The following IGF2BP1 variants were observed in gnomAD, a reference collection of about 807,000 sequenced individuals.
IGF2BP1 encodes insulin-like growth factor 2 mRNA-binding protein 1.
A neutral mutation model predicts 74.9 loss-of-function variants in IGF2BP1; 11 were observed. That is an observed-to-expected ratio of 0.15 (90% CI 0.09 to 0.24). IGF2BP1 has a LOEUF of 0.24. IGF2BP1 is among the 10% of genes least tolerant of loss of function. The pLI is 1.00. For synonymous variants in IGF2BP1, 287 were observed against 281.8 expected, an observed-to-expected ratio of 1.02 and a Z score of -0.18; for missense variants, 440 against 757.4, an observed-to-expected ratio of 0.58 and a Z score of 4.92.
chr17:49,003,346 T>C (rs1462396775), intron 2 of IGF2BP1, among the ~76,000 whole-genome samples: 1 of 152,210 alleles, frequency 6.6e-6, no homozygotes, highest in African/African-American at 2.4e-5. Flanking sequence ...TTGACAAAGA[T>C]ACTATTGAGG....
chr17:48,999,173 G>A lies in IGF2BP1; in HGVS notation c.236+4G>A, dbSNP rs776628632. On this transcript the variant is annotated splice_donor_region_variant and intron_variant, in intron 2 of 14. Transcript: ENST00000290341. ...ATTCGGTGCCCAAAAAACAAAGGTA[G>A]GAAAGAGCTCTTTTCGGGGGGGGTG... 1 of 1,019,044 alleles carries A rather than the reference G, an allele frequency of 9.8e-7. No homozygotes were observed. Among genetic ancestry groups the A allele is most frequent in the East Asian group, 4.2e-5 (1 of 23,540 alleles). The allele number at this position is 1,019,044 out of a possible 1,614,324, so 63.1% of individuals were successfully genotyped here.
rs373966920 is a variant in IGF2BP1 at position 49,016,976 on chromosome 17, GT to G, written c.237-8638del. 7.0e-3 allele frequency among the ~76,000 whole-genome samples: 1,059 copies of G among 151,278 alleles called. 14 individuals are homozygous for G. The highest frequency in any genetic ancestry group is 0.023 in the African/African-American group (966 of 41,144). On this transcript the variant is annotated intron_variant, in intron 2 of 14. Transcript: ENST00000290341. ...CGTGCCAGGTCCGCCCCCTTCAGAA[GT>G]TTTCTTGGACAATTTTTTTTTTTCA...
intron 2 of IGF2BP1, among the ~76,000 whole-genome samples, chr17:49,009,004 A>G (rs1210265935): frequency 6.6e-6 from 1 of 152,040 alleles, no homozygotes; most frequent in Non-Finnish European, 1.5e-5. Context: ...CTTACAGTGC[A>G]GATGGAAGGA....
chr17:49,034,739 A>T (rs2041964607), intron 5 of IGF2BP1, among the ~76,000 whole-genome samples: 1 of 135,472 alleles, frequency 7.4e-6, no homozygotes, highest in Non-Finnish European at 1.6e-5. Flanking sequence ...CCTGTCTCAA[A>T]AAAAACACAA....
intron 14 of IGF2BP1, among the ~76,000 whole-genome samples, chr17:49,047,085 T>G (rs1452411229): frequency 6.6e-6 from 1 of 152,202 alleles, no homozygotes; most frequent in Non-Finnish European, 1.5e-5. Flanking sequence ...ATAGAAGATA[T>G]CCAGATCTTA....
intron 14 of IGF2BP1, among the ~76,000 whole-genome samples, chr17:49,048,377 C>G (rs1048735678): frequency 6.6e-6 from 1 of 151,760 alleles, no homozygotes; most frequent in Admixed American, 6.6e-5. Flanking sequence ...CTCAGCCACT[C>G]AAGTAGCTGG....
At chr17:49,015,578 C>T (rs2041690287) in intron 2 of IGF2BP1, among the ~76,000 whole-genome samples, 1 of 152,208 alleles carries the variant, frequency 6.6e-6, no homozygotes, top group African/African-American at 2.4e-5. Flanking sequence ...TATTTGTCCC[C>T]GTACTGTAGG....
In IGF2BP1 at chr17:49,049,933, T is replaced by A. The variant is rs975405765; in HGVS notation, c.*489T>A. 6.5e-6 allele frequency: 1 copy of A among 153,750 alleles called. No homozygotes were observed. Among genetic ancestry groups the A allele is most frequent in the African/African-American group, 2.4e-5 (1 of 41,466 alleles). 9.5% of individuals were successfully genotyped at this position (153,750 alleles called of 1,614,324 possible). A position where few individuals can be genotyped will look rare whatever the true frequency, so the allele number is the denominator to read the frequency against. On this transcript the variant is annotated 3_prime_UTR_variant, in exon 15 of 15. Coordinates refer to ENST00000290341, the MANE Select transcript of IGF2BP1 (RefSeq NM_006546.4). ...CTTTCTATATTTACACTAATTTTTT[T>A]ATCTTTATTGCTACCAGAAAAAAAT...
chr17:49,034,813 A>G (rs1031107420), intron 5 of IGF2BP1, among the ~76,000 whole-genome samples: 1 of 152,186 alleles, frequency 6.6e-6, no homozygotes, highest in Non-Finnish European at 1.5e-5. Context: ...GATGGAATCC[A>G]CAGAGGTGGA....
intron 2 of IGF2BP1, among the ~76,000 whole-genome samples, chr17:48,999,996 C>T (rs910530900): frequency 6.6e-6 from 1 of 150,926 alleles, no homozygotes; most frequent in African/African-American, 2.4e-5. Flanking sequence ...TATCCTCTCT[C>T]TTCAGCAAAA....
chr17:49,032,559 C>G (rs2041937594), intron 5 of IGF2BP1, among the ~76,000 whole-genome samples: 1 of 152,194 alleles, frequency 6.6e-6, no homozygotes, highest in African/African-American at 2.4e-5. Context: ...TTGCGCATTA[C>G]TCATTTATAT....
intron 12 of IGF2BP1, 57 bp from the exon 13 acceptor site, chr17:49,045,833 T>G: frequency 6.4e-7 from 1 of 1,569,236 alleles, no homozygotes; most frequent in Non-Finnish European, 8.7e-7. Context: ...TTTTCCCACT[T>G]TTCTCTTTTG....
chr17:49,048,844 T>G (rs1006087533), intron 14 of IGF2BP1, among the ~76,000 whole-genome samples: 1 of 152,110 alleles, frequency 6.6e-6, no homozygotes, highest in African/African-American at 2.4e-5. Flanking sequence ...ACACTCCTTA[T>G]GAGAATCTAC....
intron 6 of IGF2BP1, 62 bp from the exon 7 acceptor site, chr17:49,039,895 G>A: frequency 6.3e-7 from 1 of 1,581,244 alleles, no homozygotes; most frequent in Non-Finnish European, 8.6e-7. Context: ...TAGTGGGGTG[G>A]GGAGCCTGAA....
intron 2 of IGF2BP1, among the ~76,000 whole-genome samples, chr17:49,019,993 TATAC>T (rs1324655739): frequency 3.4e-5 from 3 of 87,324 alleles, no homozygotes; most frequent in Non-Finnish European, 4.5e-5. Flanking sequence ...CACACATATA[TATAC>T]ACACACACAC....
In IGF2BP1 at chr17:49,043,654, G is replaced by A. The variant is rs1001577874; in HGVS notation, c.1200+104G>A. The A allele has an allele frequency of 9.4e-6, 13 of 1,383,804 alleles. No homozygotes were observed. In the South Asian group the frequency reaches 1.8e-4, roughly 19 times the overall value. 85.7% of individuals were successfully genotyped at this position (1,383,804 alleles called of 1,614,324 possible). On this transcript the variant is annotated intron_variant, in intron 10 of 14. Transcript: ENST00000290341. Reference sequence around the variant, plus strand: ...AGTTGGATGCTTGGCAAGTTTGCAGGGAGAGGGAAGGAAGGTCTCAGAGGC... The same window carrying A: ...AGTTGGATGCTTGGCAAGTTTGCAGAGAGAGGGAAGGAAGGTCTCAGAGGC...
chr17:48,998,557 C>T (rs1302694243), intron 1 of IGF2BP1, among the ~76,000 whole-genome samples: 4 of 152,292 alleles, frequency 2.6e-5, no homozygotes, highest in Admixed American at 2.0e-4. Flanking sequence ...GACGCCGAGG[C>T]TGGGCCGAGA....
intron 2 of IGF2BP1, among the ~76,000 whole-genome samples, chr17:49,020,117 G>A (rs901495047): frequency 6.6e-6 from 1 of 150,756 alleles, no homozygotes; most frequent in Non-Finnish European, 1.5e-5. Flanking sequence ...GCAATGGTGC[G>A]ATCTCACTGC....
intron 5 of IGF2BP1, among the ~76,000 whole-genome samples, chr17:49,035,804 G>A (rs1420018787): frequency 6.6e-6 from 1 of 152,226 alleles, no homozygotes; most frequent in South Asian, 2.1e-4. Flanking sequence ...TGCTGGAGGG[G>A]TAGTCAGATT....
Sources: allele counts gnomAD v4.1 joint callset (sites outside exome capture counted in the v4.1 genomes callset), GRCh38; gene constraint gnomAD v4.1.1; transcripts MANE v1.5; gene names NCBI Gene and HGNC (gene_info 2026-07-23, HGNC 2026-07-21).